RAB2A: variants seen among roughly 807,000 people sequenced by gnomAD.
RAB2A encodes RAB2A, member RAS oncogene family.
In RAB2A, 7 loss-of-function variants were observed where a neutral mutation model predicts 32.5. The ratio of observed to expected loss-of-function variants is 0.22; its 90% CI spans 0.12 to 0.40. The LOEUF (loss-of-function observed/expected upper bound fraction) is 0.40, where lower values mean the gene tolerates loss of function less well. Ranked by LOEUF, RAB2A falls within the 10% of genes least tolerant of loss-of-function variation. The pLI is 1.00. For synonymous variants in RAB2A, 79 were observed against 85.2 expected (o/e 0.93, Z 0.40); for missense variants, 108 against 260.7 (o/e 0.41, Z 4.03).
chr8:60,547,162 A>G (rs1164159805), intron 1 of RAB2A, among the ~76,000 whole-genome samples: 2 of 152,004 alleles, frequency 1.3e-5, no homozygotes, highest in East Asian at 3.9e-4. Flanking sequence ...CCCTTAATCC[A>G]TTCAACCCTG....
At chr8:60,598,937 C>CAAAAAAAAAAAAA (rs56406651) in intron 6 of RAB2A, among the ~76,000 whole-genome samples, 6 of 40,386 alleles carry the variant, frequency 1.5e-4, no homozygotes, top group South Asian at 1.5e-3. Flanking sequence ...TGCAGTAAAG[C>CAAAAAAAAAAAAA]AAAAAAAAAA....
At chr8:60,616,775 C>T (rs961516610) in intron 6 of RAB2A, among the ~76,000 whole-genome samples, 2 of 152,176 alleles carry the variant, frequency 1.3e-5, no homozygotes, top group Non-Finnish European at 2.9e-5. Context: ...GTGCTCCTGC[C>T]GCAGACGTTC....
chr8:60,581,138 C>G (rs908558538), intron 3 of RAB2A, among the ~76,000 whole-genome samples: 6 of 152,222 alleles, frequency 3.9e-5, no homozygotes, highest in Non-Finnish European at 8.8e-5. Flanking sequence ...ACAGAGACGG[C>G]TGCAGTTTAA....
At chr8:60,519,635 G>C (rs758998266) in intron 1 of RAB2A, among the ~76,000 whole-genome samples, 8 of 152,140 alleles carry the variant, frequency 5.3e-5, no homozygotes, top group Non-Finnish European at 1.0e-4. Context: ...CTGTTGTATA[G>C]ATACTTGTAT....
chr8:60,548,508 C>CG (rs534551427), intron 1 of RAB2A, among the ~76,000 whole-genome samples: 19 of 39,422 alleles, frequency 4.8e-4, no homozygotes, highest in South Asian at 3.2e-3. Flanking sequence ...GCTGGCCGGG[C>CG]GGGGGGCTGA....
At chr8:60,527,197 G>C (rs945725360) in intron 1 of RAB2A, among the ~76,000 whole-genome samples, 2 of 152,016 alleles carry the variant, frequency 1.3e-5, no homozygotes, top group African/African-American at 4.8e-5. Context: ...ACCAGATCTC[G>C]TGAGAACTCA....
At chr8:60,547,286 C>G (rs79028182) in intron 1 of RAB2A, among the ~76,000 whole-genome samples, 12 of 152,210 alleles carry the variant, frequency 7.9e-5, no homozygotes, top group Non-Finnish European at 1.6e-4. Context: ...AAAGTCTCCC[C>G]TGTCTACCTC....
chr8:60,521,516 T>C (rs1807302669), intron 1 of RAB2A, among the ~76,000 whole-genome samples: 1 of 152,256 alleles, frequency 6.6e-6, no homozygotes, highest in Admixed American at 6.5e-5. Flanking sequence ...CTACTCAAGC[T>C]TACTTCTAAT....
intron 1 of RAB2A, among the ~76,000 whole-genome samples, chr8:60,527,418 A>T (rs1341012669): frequency 6.6e-6 from 1 of 151,994 alleles, no homozygotes; most frequent in East Asian, 1.9e-4. Context: ...GGAGAGCTGG[A>T]GAGGCCTCAG....
At chr8:60,594,378 C>CA (rs1202749239) in intron 6 of RAB2A, among the ~76,000 whole-genome samples, 1 of 152,016 alleles carries the variant, frequency 6.6e-6, no homozygotes, top group Non-Finnish European at 1.5e-5. Flanking sequence ...TTGAAAGCAG[C>CA]AAAAAATAGC....
chr8:60,584,593 GC>G (rs1468870696), intron 4 of RAB2A, 129 bp from the exon 5 acceptor site: 1 of 714,452 alleles, frequency 1.4e-6, no homozygotes, highest in Admixed American at 3.0e-5. Context: ...CAGATATGGT[GC>G]TTAAAACTAC....
At chr8:60,543,755 C>G (rs918501229) in intron 1 of RAB2A, among the ~76,000 whole-genome samples, 3 of 152,114 alleles carry the variant, frequency 2.0e-5, no homozygotes, top group African/African-American at 7.2e-5. Flanking sequence ...CGAAATCGTT[C>G]TATTTAGAAA....
At chr8:60,520,816 T>C (rs770592701) in intron 1 of RAB2A, among the ~76,000 whole-genome samples, 19 of 152,330 alleles carry the variant, frequency 1.2e-4, no homozygotes, top group Non-Finnish European at 2.8e-4. Flanking sequence ...ATTTTACTTA[T>C]ATTATTTATC....
At chr8:60,548,392 T>C (rs1256587578) in intron 1 of RAB2A, among the ~76,000 whole-genome samples, 240 of 17,654 alleles carry the variant, frequency 0.014, no homozygotes, top group Middle Eastern at 0.036. Context: ...GGGGGGCTGA[T>C]CCCCCCACCT....
chr8:60,589,400 G>A (rs1339598727), intron 5 of RAB2A, among the ~76,000 whole-genome samples: 2 of 152,152 alleles, frequency 1.3e-5, no homozygotes, highest in Non-Finnish European at 2.9e-5. Flanking sequence ...ATTGAACTGT[G>A]GATAGACATC....
intron 6 of RAB2A, among the ~76,000 whole-genome samples, chr8:60,600,601 C>T (rs117002332): frequency 4.3e-4 from 65 of 152,302 alleles, no homozygotes; most frequent in Non-Finnish European, 8.8e-4. Flanking sequence ...AAAACCTATA[C>T]ACAGATGTTC....
chr8:60,602,444 A>C (rs1242857761), intron 6 of RAB2A, among the ~76,000 whole-genome samples: 1 of 152,166 alleles, frequency 6.6e-6, no homozygotes, highest in African/African-American at 2.4e-5. Context: ...CTTTTATTTC[A>C]TTCAACAAGT....
In RAB2A at chr8:60,517,178, C is replaced by T. The variant is rs370633697; in HGVS notation, c.-30C>T. 83 of 1,478,642 alleles carry T rather than the reference C, an allele frequency of 5.6e-5. No homozygotes were observed. Among genetic ancestry groups the T allele is most frequent in the Non-Finnish European group, 7.1e-5 (79 of 1,112,186 alleles). 91.6% of individuals were successfully genotyped at this position (1,478,642 alleles called of 1,614,324 possible). A position where few individuals can be genotyped will look rare whatever the true frequency, so the allele number is the denominator to read the frequency against. On this transcript the variant is annotated 5_prime_UTR_variant, in exon 1 of 8. Coordinates refer to ENST00000262646, the MANE Select transcript of RAB2A (RefSeq NM_002865.3). ...GAGGAGCAGCAGCGGGAGGAGGAGCCGTGTGCCCTGGCACTGAGCGGCCGC... is the reference window on the plus strand; with the variant it reads ...GAGGAGCAGCAGCGGGAGGAGGAGCTGTGTGCCCTGGCACTGAGCGGCCGC...
At chr8:60,558,586 C>T in intron 1 of RAB2A, 1 of 506,610 alleles carries the variant, frequency 2.0e-6, no homozygotes, top group Non-Finnish European at 3.7e-6. Flanking sequence ...GGTTAGTTGT[C>T]ATCTGTGAGT....
Sources: allele counts gnomAD v4.1 joint callset (sites outside exome capture counted in the v4.1 genomes callset), GRCh38; gene constraint gnomAD v4.1.1; transcripts MANE v1.5; gene names NCBI Gene and HGNC (gene_info 2026-07-23, HGNC 2026-07-21).